Variants in CACNA1E observed in about 807,000 individuals in gnomAD.
The protein encoded by CACNA1E is calcium voltage-gated channel subunit alpha1 E.
Under a neutral mutation model 259.2 loss-of-function variants are expected in CACNA1E, and 40 were observed. That is an observed-to-expected ratio of 0.15 (90% CI 0.12 to 0.20). The LOEUF is 0.20. Among genes scored for constraint, CACNA1E ranks in the 10% least tolerant of loss-of-function variants. The pLI, the probability that CACNA1E is intolerant of heterozygous loss-of-function variation, is 1.00. For synonymous variants in CACNA1E, 1,104 were observed against 1,138.5 expected, an observed-to-expected ratio of 0.97 and a Z score of 0.61; for missense variants, 1,874 against 3,040.1, an observed-to-expected ratio of 0.62 and a Z score of 9.02.
chr1:181,385,725 A>C (rs1177112988), intron 1 of CACNA1E, among the ~76,000 whole-genome samples: 23 of 138,592 alleles, frequency 1.7e-4, no homozygotes, highest in East Asian at 2.1e-4. Context: ...TTCCTTCCCT[A>C]CTCCACTTCC....
At chr1:181,408,905 G>C (rs946016122) in intron 1 of CACNA1E, among the ~76,000 whole-genome samples, 1 of 152,148 alleles carries the variant, frequency 6.6e-6, no homozygotes, top group East Asian at 1.9e-4. Flanking sequence ...GTGAGCTATA[G>C]GACAGCAACT....
At chr1:181,538,833 T>C (rs1668364609) in intron 3 of CACNA1E, among the ~76,000 whole-genome samples, 1 of 152,228 alleles carries the variant, frequency 6.6e-6, no homozygotes, top group Non-Finnish European at 1.5e-5. Flanking sequence ...TTCAGTGATA[T>C]AGTGTTAATC....
intron 15 of CACNA1E, 121 bp from the exon 16 acceptor site, chr1:181,721,637 G>T (rs1654423660): frequency 3.8e-6 from 2 of 530,086 alleles, no homozygotes; most frequent in East Asian, 3.0e-5. Flanking sequence ...TAACTCCCTG[G>T]CAAGATTGTC....
chr1:181,388,102 C>T (rs1019733772), intron 1 of CACNA1E, among the ~76,000 whole-genome samples: 7 of 152,206 alleles, frequency 4.6e-5, no homozygotes, highest in African/African-American at 1.2e-4. Context: ...ATTTGTTTCT[C>T]CCCGGAGAGT....
At chr1:181,510,996 A>G (rs1295833001) in intron 2 of CACNA1E, among the ~76,000 whole-genome samples, 1 of 152,224 alleles carries the variant, frequency 6.6e-6, no homozygotes, top group African/African-American at 2.4e-5. Flanking sequence ...ATTCCCCCTA[A>G]AAAGAGCAGA....
chr1:181,466,775 C>T (rs1249533216), intron 2 of CACNA1E, among the ~76,000 whole-genome samples: 1 of 152,042 alleles, frequency 6.6e-6, no homozygotes, highest in African/African-American at 2.4e-5. Flanking sequence ...AAATATATTT[C>T]TGTACTTTAT....
chr1:181,594,193 A>T (rs1652937390), intron 6 of CACNA1E, among the ~76,000 whole-genome samples: 1 of 151,602 alleles, frequency 6.6e-6, no homozygotes, highest in South Asian at 2.1e-4. Context: ...TAATATAATT[A>T]TATAATTTAC....
intron 1 of CACNA1E, among the ~76,000 whole-genome samples, chr1:181,393,106 G>A (rs1409620364): frequency 6.6e-6 from 1 of 152,230 alleles, no homozygotes; most frequent in Non-Finnish European, 1.5e-5. Flanking sequence ...ATAAACAGCT[G>A]CAGGTGTTGT....
intron 1 of CACNA1E, among the ~76,000 whole-genome samples, chr1:181,393,951 G>A (rs997087834): frequency 6.6e-6 from 1 of 152,302 alleles, no homozygotes; most frequent in Non-Finnish European, 1.5e-5. Context: ...AGCCACTGTG[G>A]GACTGAGTGG....
chr1:181,493,952 C>T (rs1664524541), intron 1 of CACNA1E, among the ~76,000 whole-genome samples: 1 of 152,248 alleles, frequency 6.6e-6, no homozygotes, highest in East Asian at 1.9e-4. Flanking sequence ...TAATCACTGT[C>T]TCTCCAGCTG....
At chr1:181,576,366 C>T (rs572965431) in intron 3 of CACNA1E, among the ~76,000 whole-genome samples, 7 of 152,304 alleles carry the variant, frequency 4.6e-5, no homozygotes, top group African/African-American at 1.2e-4. Flanking sequence ...CACATGAAGC[C>T]GTCCGCTTGG....
In CACNA1E at chr1:181,523,724, A is replaced by T. The variant is rs527241417; in HGVS notation, c.512+12214A>T. On this transcript the variant is annotated intron_variant, in intron 3 of 47. Transcript: ENST00000367573. ...TTAAAAAGAGAGCCTCACACTTGAA[A>T]GAATGAGAATTGCTAGTTCAGTGTA... Among the ~76,000 whole-genome samples, 4 of 152,374 alleles carry T rather than the reference A, an allele frequency of 2.6e-5. No homozygotes were observed. The South Asian group carries it at 8.3e-4, about 32-fold the overall frequency.
Position 181,775,063 on chromosome 1 carries a change from C to A in CACNA1E, c.5140-1038C>A, listed in dbSNP as rs138586998. Among the ~76,000 whole-genome samples, 268 of 152,320 alleles carry A rather than the reference C, an allele frequency of 1.8e-3. 6 individuals carry two copies. Among genetic ancestry groups the A allele is most frequent in the Admixed American group, 7.6e-3 (117 of 15,296 alleles). On this transcript the variant is annotated intron_variant, in intron 37 of 47. Coordinates refer to ENST00000367573, the MANE Select transcript of CACNA1E (RefSeq NM_001205293.3). ...TCCTTGTGAGTGCAAATATCAACATCTCAAGATGGCTGTAGTGGCAGCTCT... is the reference window on the plus strand; with the variant it reads ...TCCTTGTGAGTGCAAATATCAACATATCAAGATGGCTGTAGTGGCAGCTCT...
chr1:181,456,259 G>A (rs1057093619), intron 2 of CACNA1E, among the ~76,000 whole-genome samples: 1 of 152,168 alleles, frequency 6.6e-6, no homozygotes. Context: ...GGATGGGCAG[G>A]TGAGTAGGAG....
At chr1:181,664,790 G>A (rs1011346159) in intron 7 of CACNA1E, among the ~76,000 whole-genome samples, 2 of 152,076 alleles carry the variant, frequency 1.3e-5, no homozygotes, top group South Asian at 2.1e-4. Context: ...GAGAAGCCAA[G>A]AATCCTATCC....
At position 181,804,616 on chromosome 1, in the gene CACNA1E, G is replaced by T. The variant is rs1662501508; in HGVS notation, c.*5782G>T. 1 of 152,064 alleles carries T rather than the reference G, an allele frequency of 6.6e-6. No homozygotes were observed. Among genetic ancestry groups the T allele is most frequent in the Admixed American group, 6.6e-5 (1 of 15,258 alleles). The allele number at this position is 152,064 out of a possible 1,614,324, so 9.4% of individuals were successfully genotyped here. A position where few individuals can be genotyped will look rare whatever the true frequency, so the allele number is the denominator to read the frequency against. On this transcript the variant is annotated 3_prime_UTR_variant, in exon 48 of 48. Transcript: ENST00000367573. The stretch of plus-strand genomic sequence containing the variant: ...TCCAGCTTTCTGTATTCAAACTTGT[G>T]CCTTCAGCAAGCATCTCTTCACTTT...
intron 6 of CACNA1E, among the ~76,000 whole-genome samples, chr1:181,602,402 C>T (rs1194080470): frequency 1.3e-5 from 2 of 151,926 alleles, no homozygotes; most frequent in Non-Finnish European, 2.9e-5. Flanking sequence ...GTTGAGCATC[C>T]CAAATCCAAA....
At chr1:181,731,033 C>A in intron 18 of CACNA1E, 142 bp from the exon 19 acceptor site, 1 of 676,198 alleles carries the variant, frequency 1.5e-6, no homozygotes, top group South Asian at 1.7e-5. Context: ...TGTGGGGAGT[C>A]TACAGAAGGC....
chr1:181,426,735 A>C (rs538056654), intron 2 of CACNA1E, among the ~76,000 whole-genome samples: 72 of 142,132 alleles, frequency 5.1e-4, no homozygotes, highest in African/African-American at 1.7e-3. Flanking sequence ...ACCCCTTCAC[A>C]ACTCAGCCCC....
Sources: gnomAD v4.1 joint callset for allele counts (sites outside exome capture counted in the v4.1 genomes callset) on GRCh38, gnomAD v4.1.1 for gene constraint, MANE v1.5 for transcripts, NCBI Gene and HGNC (gene_info 2026-07-23, HGNC 2026-07-21) for gene names.